FARS2: variants seen among roughly 807,000 people sequenced by gnomAD.
FARS2 encodes phenylalanyl-tRNA synthetase 2, mitochondrial, also known as phenylalanine--tRNA ligase, mitochondrial.
In FARS2, 40 loss-of-function variants were observed where a neutral mutation model predicts 46.4. The ratio of observed to expected loss-of-function variants is 0.86; its 90% confidence interval spans 0.67 to 1.12. The LOEUF (loss-of-function observed/expected upper bound fraction) is 1.12, where lower values mean the gene tolerates loss of function less well. Ranked by LOEUF, FARS2 falls within the 50% of genes most tolerant of loss-of-function variation. FARS2 has a pLI of 0.00. For missense variants in FARS2, 513 were observed against 567.9 expected (o/e 0.90, Z 0.98); for synonymous variants, 234 against 214.9 (o/e 1.09, Z -0.78).
chr6:5,359,661 G>A (rs1156551898), intron 1 of FARS2, among the ~76,000 whole-genome samples: 1 of 152,164 alleles, frequency 6.6e-6, no homozygotes, highest in African/African-American at 2.4e-5. Context: ...CATGTGCCCC[G>A]GGCAGTGAAA....
chr6:5,405,166 G>C (rs532790582), intron 3 of FARS2, among the ~76,000 whole-genome samples: 5 of 152,200 alleles, frequency 3.3e-5, no homozygotes, highest in African/African-American at 1.2e-4. Flanking sequence ...AAATTCATTT[G>C]TATTTCATAT....
chr6:5,539,384 G>GTGTATATCTATATATATATATA, intron 4 of FARS2, among the ~76,000 whole-genome samples: 1 of 79,582 alleles, frequency 1.3e-5, no homozygotes, highest in Admixed American at 1.2e-4. Flanking sequence ...TTTTTTTTGT[G>GTGTATATCTATATATATATATA]TATATATATA....
At chr6:5,609,395 A>G in intron 5 of FARS2, 1 of 1,263,246 alleles carries the variant, frequency 7.9e-7, no homozygotes, top group South Asian at 1.2e-5. Flanking sequence ...GATTGTTGTA[A>G]TTGCCAAAAT....
chr6:5,288,465 C>T (rs527562075), intron 1 of FARS2, among the ~76,000 whole-genome samples: 1 of 152,316 alleles, frequency 6.6e-6, no homozygotes, highest in African/African-American at 2.4e-5. Context: ...TTTGATACCT[C>T]ATTGTGAAGT....
chr6:5,424,979 T>C (rs890047249), intron 3 of FARS2, among the ~76,000 whole-genome samples: 1 of 152,182 alleles, frequency 6.6e-6, no homozygotes, highest in African/African-American at 2.4e-5. Flanking sequence ...AGAATTTGTT[T>C]CCAGCCAGAG....
chr6:5,539,747 A>G (rs939779336), intron 4 of FARS2, among the ~76,000 whole-genome samples: 17 of 152,188 alleles, frequency 1.1e-4, no homozygotes, highest in African/African-American at 3.6e-4. Flanking sequence ...GCAGTAATGG[A>G]ATGGCAGGAG....
chr6:5,368,268 A>G (rs1422291668), intron 1 of FARS2, among the ~76,000 whole-genome samples: 1 of 152,242 alleles, frequency 6.6e-6, no homozygotes, highest in Admixed American at 6.5e-5. Context: ...GGACATGATA[A>G]CATAATAAAC....
At chr6:5,256,813 G>A (rs1009536889), upstream of FARS2, among the ~76,000 whole-genome samples, 1 of 152,084 alleles carries the variant, frequency 6.6e-6, no homozygotes, top group Non-Finnish European at 1.5e-5. Context: ...AGCTAGTTCT[G>A]TATTACCTGA....
chr6:5,433,820 T>A (rs1294733793), intron 4 of FARS2, among the ~76,000 whole-genome samples: 1 of 152,220 alleles, frequency 6.6e-6, no homozygotes, highest in Non-Finnish European at 1.5e-5. Context: ...ACACATCAGT[T>A]GTTGCTTGGA....
At chr6:5,365,313 CTTTCTTTT>C (rs1758582380) in intron 1 of FARS2, among the ~76,000 whole-genome samples, 1 of 68,136 alleles carries the variant, frequency 1.5e-5, no homozygotes, top group Non-Finnish European at 2.9e-5. Context: ...GAGAAGTATA[CTTTCTTTT>C]TTTTTTTTTT....
chr6:5,538,584 G>C (rs1770366065), intron 4 of FARS2, among the ~76,000 whole-genome samples: 1 of 152,098 alleles, frequency 6.6e-6, no homozygotes, highest in Non-Finnish European at 1.5e-5. Flanking sequence ...AGCCTTTTCT[G>C]TTCCCAAGAT....
intron 5 of FARS2, among the ~76,000 whole-genome samples, chr6:5,611,498 C>A (rs1561751280): frequency 6.6e-6 from 1 of 152,206 alleles, no homozygotes; most frequent in East Asian, 1.9e-4. Context: ...TATTTCCCAA[C>A]AAAATCGTAT....
intron 1 of FARS2, among the ~76,000 whole-genome samples, chr6:5,278,013 C>T (rs567162935): frequency 1.3e-5 from 2 of 152,260 alleles, no homozygotes; most frequent in Admixed American, 1.3e-4. Context: ...TCAATATTTT[C>T]TCCTTAAAGT....
At chr6:5,752,555 A>G (rs1471460808) in intron 6 of FARS2, among the ~76,000 whole-genome samples, 1 of 152,180 alleles carries the variant, frequency 6.6e-6, no homozygotes, top group Non-Finnish European at 1.5e-5. Context: ...CCCCTGATTC[A>G]CTTGTATGCT....
intron 6 of FARS2, among the ~76,000 whole-genome samples, chr6:5,675,517 A>G: frequency 6.6e-6 from 1 of 152,270 alleles, no homozygotes; most frequent in East Asian, 1.9e-4. Context: ...GTTACTTGCC[A>G]TTCCACATGT....
chr6:5,525,891 C>T (rs1472736795), intron 4 of FARS2, among the ~76,000 whole-genome samples: 2 of 152,202 alleles, frequency 1.3e-5, no homozygotes, highest in African/African-American at 4.8e-5. Flanking sequence ...AGGAAGACTA[C>T]AAATGTGCAA....
At chr6:5,524,218 A>T (rs953585732) in intron 4 of FARS2, among the ~76,000 whole-genome samples, 3 of 152,244 alleles carry the variant, frequency 2.0e-5, no homozygotes, top group Admixed American at 6.5e-5. Context: ...CACTAAAAGT[A>T]GTGAGACCCA....
intron 1 of FARS2, among the ~76,000 whole-genome samples, chr6:5,330,329 CT>C (rs1248634362): frequency 6.6e-6 from 1 of 152,110 alleles, no homozygotes. Flanking sequence ...ATTTCCCTTT[CT>C]TTGAACATCT....
intron 6 of FARS2, among the ~76,000 whole-genome samples, chr6:5,683,989 A>G (rs1453283365): frequency 6.6e-6 from 1 of 152,130 alleles, no homozygotes; most frequent in East Asian, 1.9e-4. Context: ...CATGGTGTAT[A>G]TGTGCCACAT....
Sources: gnomAD v4.1 joint callset for allele counts (sites outside exome capture counted in the v4.1 genomes callset) on GRCh38, gnomAD v4.1.1 for gene constraint, MANE v1.5 for transcripts, NCBI Gene and HGNC (gene_info 2026-07-23, HGNC 2026-07-21) for gene names.